Variants in SCAF1 observed in about 807,000 individuals in gnomAD.
The protein encoded by SCAF1 is SR-related CTD associated factor 1, also known as splicing factor, arginine/serine-rich 19.
A neutral mutation model predicts 91.2 loss-of-function variants in SCAF1; 28 were observed. The observed-to-expected ratio is 0.31, with a 90% CI of 0.23 to 0.42. The LOEUF (loss-of-function observed/expected upper bound fraction) is 0.42. SCAF1 is among the 10% of genes least tolerant of loss of function. The pLI, the probability that SCAF1 is intolerant of heterozygous loss-of-function variation, is 1.00. For synonymous variants in SCAF1, 1,036 were observed against 833.7 expected (o/e 1.24, Z -4.18); for missense variants, 1,893 against 1,872.1 (o/e 1.01, Z -0.21).
Position 49,646,023 on chromosome 19 carries a change from C to T in SCAF1, c.167-85C>T, listed in dbSNP as rs1197552003. The T allele has an allele frequency of 7.9e-7, 1 of 1,268,172 alleles. No homozygotes were observed. Among genetic ancestry groups the T allele is most frequent in the Non-Finnish European group, 1.1e-6 (1 of 877,222 alleles). The allele number at this position is 1,268,172 out of a possible 1,614,324, so 78.6% of individuals were successfully genotyped here. A position where few individuals can be genotyped will look rare whatever the true frequency, so the allele number is the denominator to read the frequency against. On this transcript the variant is annotated intron_variant, in intron 3 of 10. Transcript: ENST00000360565. This position sits in a 1 kb window ranked among gnomAD's most constrained non-coding sequence, Gnocchi z 5.6. ...GGGAGGCTGGTTCCGCTGTCAGGAA[C>T]TAGATCAAGCTCCTCTTTCCTCTAC...
At chr19:49,647,389 C>T (rs1370120206) in intron 6 of SCAF1, among the ~76,000 whole-genome samples, 4 of 152,222 alleles carry the variant, frequency 2.6e-5, no homozygotes, top group African/African-American at 9.7e-5. Context: ...TCACTGGGCC[C>T]ACTCCCAAGA....
At chr19:49,653,848 C>T in intron 7 of SCAF1, 143 bp downstream of exon 7, 1 of 772,890 alleles carries the variant, frequency 1.3e-6, no homozygotes, top group Non-Finnish European at 1.9e-6. Context: ...TGAGTAAAGG[C>T]CAGCCAGGCT....
In SCAF1 at chr19:49,651,613, C is replaced by T. The variant is rs1274546918; in HGVS notation, c.1224C>T (p.Ser408=). ...AGGAGGAGCCCAGGCTGGCGCTGTC[C>T]CTCTTCCGCCCCGGCGGCCGGGCCG... The part of the protein sequence containing the change: ...QPEEEPRLAL[S]LFRPGGRAAR... Residue 408 remains serine, a synonymous_variant, in exon 7 of 11, where the codon TCC becomes TCT. Transcript: ENST00000360565. The T allele has an allele frequency of 6.8e-6, 10 of 1,476,452 alleles. No homozygotes were observed. Among genetic ancestry groups the T allele is most frequent in the Non-Finnish European group, 8.9e-6 (10 of 1,117,614 alleles). 91.5% of individuals were successfully genotyped at this position (1,476,452 alleles called of 1,614,324 possible).
intron 6 of SCAF1, 82 bp from the exon 7 acceptor site, chr19:49,650,786 A>T (rs2081080378): frequency 9.2e-7 from 1 of 1,086,946 alleles, no homozygotes; most frequent in Non-Finnish European, 1.3e-6. Flanking sequence ...TGGCCCAGGG[A>T]GTGTCCACGG....
chr19:49,656,627 G>A (rs770837989), intron 9 of SCAF1, among the ~76,000 whole-genome samples: 4 of 152,186 alleles, frequency 2.6e-5, no homozygotes, highest in Non-Finnish European at 4.4e-5. Flanking sequence ...CTGCTGCCCC[G>A]AGCCTGCGGC....
chr19:49,658,164 C>A, intron 10 of SCAF1, 44 bp from the exon 11 acceptor site: 1 of 1,582,092 alleles, frequency 6.3e-7, no homozygotes. Context: ...GTGGATGGGG[C>A]CCCGGGAGCC....
At position 49,653,111 on chromosome 19, in the gene SCAF1, G is replaced by T. The variant is rs377537976; in HGVS notation, c.2722G>T (p.Ala908Ser). The T allele has an allele frequency of 1.2e-6, 2 of 1,611,936 alleles. No homozygotes were observed. Among genetic ancestry groups the T allele is most frequent in the Admixed American group, 3.4e-5 (2 of 59,668 alleles). The change falls in exon 7 of 11, where the codon GCC becomes TCC. Residue 908 changes from alanine (A) to serine (S), a missense_variant. By Grantham distance (99) the Ala-to-Ser change is moderately conservative. This residue lies in a region of SCAF1 where 1,436 missense variants were observed against 1,306.8 expected (regional missense o/e 1.10). Coordinates refer to ENST00000360565, the MANE Select transcript of SCAF1 (RefSeq NM_021228.3). ...KKTKVKAKAG[A>S]KKTKGTKGKT... ...GACCAAGGTCAAGGCCAAGGCAGGGGCCAAGAAAACCAAGGGGACCAAGGG... is the reference window on the plus strand; with the variant it reads ...GACCAAGGTCAAGGCCAAGGCAGGGTCCAAGAAAACCAAGGGGACCAAGGG...
chr19:49,643,175 G>A (rs2122443765), intron 1 of SCAF1, among the ~76,000 whole-genome samples: 1 of 152,336 alleles, frequency 6.6e-6, no homozygotes, highest in Middle Eastern at 3.4e-3. Flanking sequence ...GGGGGTTATT[G>A]AGAGAGTTAG....
At position 49,645,391 on chromosome 19, in the gene SCAF1, G is replaced by C. The variant is rs199851929; in HGVS notation, c.146G>C (p.Gly49Ala). The change falls in exon 3 of 11, where the codon GGG becomes GCG. Residue 49 changes from glycine (G) to alanine (A), a missense_variant. Gly to Ala is a moderately conservative substitution (Grantham distance 60). Coordinates refer to ENST00000360565, the MANE Select transcript of SCAF1 (RefSeq NM_021228.3). This position sits in a 1 kb window ranked among gnomAD's most constrained non-coding sequence, Gnocchi z 4.6. ...IQQAVGSSLQ[G>A]DLPNDKDGSR... ...CAGGCTGTGGGAAGCTCCCTGCAGG[G>C]GGACCTGCCCAATGATAAAGGTATG... 1 of 1,613,774 alleles carries C rather than the reference G, an allele frequency of 6.2e-7. No individual in the cohort carries two copies. Among genetic ancestry groups the C allele is most frequent in the Non-Finnish European group, 8.5e-7 (1 of 1,179,832 alleles).
At chr19:49,654,534 C>A in intron 8 of SCAF1, 103 bp downstream of exon 8, 2 of 1,369,446 alleles carry the variant, frequency 1.5e-6, no homozygotes, top group Non-Finnish European at 2.1e-6. Context: ...AAGGTATCGG[C>A]CTGAAGAGGA....
Position 49,651,330 on chromosome 19 carries a change from T to A in SCAF1, c.941T>A (p.Phe314Tyr). 6.2e-7 allele frequency: 1 copy of A among 1,609,354 alleles called. No homozygotes were observed. The highest frequency in any genetic ancestry group is 1.1e-5 in the South Asian group (1 of 91,048). The stretch of plus-strand genomic sequence containing the variant: ...GATGACAACAGCCTGAGCCAGGACT[T>A]CCCAGGTGACGAGAGCCCCCGCCCG... ...IYDDNSLSQD[F>Y]PGDESPRPDA... Residue 314 changes from phenylalanine to tyrosine, a missense_variant, in exon 7 of 11, where the codon TTC becomes TAC. By Grantham distance (22) the Phe-to-Tyr change is conservative. Coordinates refer to ENST00000360565, the MANE Select transcript of SCAF1 (RefSeq NM_021228.3).
At chr19:49,647,411 G>T (rs1568441151) in intron 6 of SCAF1, among the ~76,000 whole-genome samples, 1 of 152,252 alleles carries the variant, frequency 6.6e-6, no homozygotes, top group Non-Finnish European at 1.5e-5. Flanking sequence ...TTCTGATTCT[G>T]CAGGTCTGGG....
Position 49,651,013 on chromosome 19 carries a change from TCCCCCACCCCCACCGCCCCCTGCA to T in SCAF1, c.631_654del (p.Pro211_Pro218del). 7.1e-6 allele frequency: 1 copy of T among 141,672 alleles called. No individual in the cohort carries two copies. The highest frequency in any genetic ancestry group is 1.2e-5 in the Non-Finnish European group (1 of 85,234). 8.8% of individuals were successfully genotyped at this position (141,672 alleles called of 1,614,324 possible). Reference sequence around the variant, plus strand: ...CTCCCTCATCTTCCTCCCCTTCCCCTCCCCCACCCCCACCGCCCCCTGCACCCCCAGCCCCACCTGCCCCCCGAT... The same window carrying T: ...CTCCCTCATCTTCCTCCCCTTCCCCTCCCCCAGCCCCACCTGCCCCCCGAT... On this transcript the variant is annotated inframe_deletion, in exon 7 of 11. Transcript: ENST00000360565.
Position 49,654,677 on chromosome 19 carries a change from C to T in SCAF1, c.3425C>T (p.Ser1142Leu). Residue 1142 changes from serine to leucine, a missense_variant, in exon 9 of 11, where the codon TCA (serine) becomes TTA (leucine). By Grantham distance (145) the Ser-to-Leu change is moderately radical. Around this residue, in one of 5 missense-constraint regions of SCAF1, gnomAD observed 1,436 missense variants for 1,306.8 expected, o/e 1.10. Coordinates refer to ENST00000360565, the MANE Select transcript of SCAF1 (RefSeq NM_021228.3). ...ATCCTCAGCCACAGAAAGCCACCCT[C>T]AAGTCTGGGGATGACCCCAGCTCCT... ...NQILSHRKPP[S>L]SLGMTPAPVP... is the part of the protein sequence containing the mutation. 3 of 1,613,506 alleles carry T rather than the reference C, an allele frequency of 1.9e-6. No individual in the cohort carries two copies. The highest frequency in any genetic ancestry group is 2.5e-6 in the Non-Finnish European group (3 of 1,179,614).
rs1158710132 is a variant in SCAF1, at chr19:49,646,131, C to T, written c.190C>T (p.Arg64Ter). Residue 64 changes from arginine (R) to a stop codon, truncating the protein, a stop_gained, in exon 4 of 11, where the codon CGA becomes TGA. Coordinates refer to ENST00000360565, the MANE Select transcript of SCAF1 (RefSeq NM_021228.3). LOFTEE classifies it high-confidence loss of function. This position sits in a 1 kb window ranked among gnomAD's most constrained non-coding sequence, Gnocchi z 5.6. ...DKDGSRCHGL[R>*]WRRCRSPRSE... ...AGATGGCTCTCGGTGTCATGGCCTT[C>T]GATGGCGGCGCTGCCGGAGTCCACG... 1 of 1,612,112 alleles carries T rather than the reference C, an allele frequency of 6.2e-7. No homozygotes were observed. Among genetic ancestry groups the T allele is most frequent in the Non-Finnish European group, 8.5e-7 (1 of 1,179,968 alleles).
At position 49,658,346 on chromosome 19, in the gene SCAF1, G is replaced by C. The variant is rs781064480; in HGVS notation, c.3886G>C (p.Glu1296Gln). 2.5e-6 allele frequency: 4 copies of C among 1,576,336 alleles called. No homozygotes were observed. The highest frequency in any genetic ancestry group is 1.7e-4 in the Middle Eastern group (1 of 5,756). The change falls in exon 11 of 11, where the codon GAG becomes CAG. Residue 1296 changes from glutamate (E) to glutamine (Q), a missense_variant. Physicochemically the swap from Glu to Gln is conservative, Grantham distance 29 (BLOSUM62 2). Around this residue, in one of 5 missense-constraint regions of SCAF1, gnomAD observed 51 missense variants for 49.9 expected, o/e 1.02. Transcript: ENST00000360565. Reference sequence around the variant, plus strand: ...CCCAGGGCCCCCACGGCCGCCCAAGGAGCCAGGGCCCCCAGACAAGGGTGG... The same window carrying C: ...CCCAGGGCCCCCACGGCCGCCCAAGCAGCCAGGGCCCCCAGACAAGGGTGG... ...DPPGPPRPPK[E>Q]PGPPDKGGPG...
At chr19:49,644,732 TGAG>T (rs762331191) in intron 1 of SCAF1, 5 of 271,028 alleles carry the variant, frequency 1.8e-5, no homozygotes, top group African/African-American at 9.0e-5. Context: ...CTGCGGGAAT[TGAG>T]GAGTGAGATG....
At chr19:49,650,725 T>C (rs934982682) in intron 6 of SCAF1, 143 bp from the exon 7 acceptor site, 3 of 619,942 alleles carry the variant, frequency 4.8e-6, no homozygotes, top group African/African-American at 1.9e-5. Flanking sequence ...GTTGGGAGCA[T>C]CCTACGGCTG....
chr19:49,652,642 G>T lies in SCAF1; in HGVS notation c.2253G>T (p.Arg751=). 1 of 1,559,812 alleles carries T rather than the reference G, an allele frequency of 6.4e-7. No individual in the cohort carries two copies. The highest frequency in any genetic ancestry group is 8.7e-7 in the Non-Finnish European group (1 of 1,152,096). The stretch of plus-strand genomic sequence containing the variant: ...GCGGCAAGAGCAGCCAGAAGGATCG[G>T]CGCCGCTCGGGGGCCGCCTCCTCCT... ...ERGGKSSQKD[R]RRSGAASSSS... The change falls in exon 7 of 11, where the codon CGG becomes CGT. Residue 751 remains arginine (R), a synonymous_variant. Coordinates refer to ENST00000360565, the MANE Select transcript of SCAF1 (RefSeq NM_021228.3).
Sources: allele counts gnomAD v4.1 joint callset (sites outside exome capture counted in the v4.1 genomes callset), GRCh38; gene constraint gnomAD v4.1.1; regional missense constraint gnomAD v4.1.1; non-coding constraint Gnocchi (gnomAD v3.1); transcripts MANE v1.5; gene names NCBI Gene and HGNC (gene_info 2026-07-23, HGNC 2026-07-21).